The following OPCML variants were observed in gnomAD, a reference collection of about 807,000 sequenced individuals.
OPCML encodes the protein opioid binding protein/cell adhesion molecule like.
OPCML carries 13 observed loss-of-function variants against 37.8 expected under a neutral mutation model. The ratio of observed to expected loss-of-function variants is 0.34; its 90% confidence interval spans 0.22 to 0.55. OPCML has a LOEUF of 0.55. Ranked by LOEUF, OPCML falls within the 20% of genes least tolerant of loss-of-function variation. The probability of loss-of-function intolerance (pLI) is 0.91; values close to 1 mark genes in which losing one functional copy is unlikely to be tolerated. For missense variants in OPCML, 341 were observed against 435.6 expected (o/e 0.78, Z 1.93); for synonymous variants, 176 against 168.8 (o/e 1.04, Z -0.33).
At chr11:133,363,240 GGAGACAGCGC>G (rs1944462258) in intron 1 of OPCML, among the ~76,000 whole-genome samples, 2 of 152,174 alleles carry the variant, frequency 1.3e-5, no homozygotes, top group Admixed American at 1.3e-4. Context: ...ACTCATGGAT[GGAGACAGCGC>G]TTCCTACACG....
chr11:132,651,288 G>C (rs989674159), intron 3 of OPCML, among the ~76,000 whole-genome samples: 10 of 152,182 alleles, frequency 6.6e-5, no homozygotes, highest in Non-Finnish European at 1.5e-5. Flanking sequence ...GTGTAACTCG[G>C]ACAAATCACT....
chr11:133,102,199 G>A (rs1192873630), intron 1 of OPCML, among the ~76,000 whole-genome samples: 1 of 152,138 alleles, frequency 6.6e-6, no homozygotes, highest in East Asian at 1.9e-4. Context: ...GTAAACTATG[G>A]ACTTTGAATA....
At chr11:132,615,744 G>A (rs61398961) in intron 3 of OPCML, among the ~76,000 whole-genome samples, 19,258 of 152,046 alleles carry the variant, frequency 0.13, 2,146 homozygotes, top group African/African-American at 0.29. Flanking sequence ...AGAAATGACC[G>A]TAATACATGC....
At chr11:133,083,732 G>A (rs567068966) in intron 1 of OPCML, among the ~76,000 whole-genome samples, 210 of 152,322 alleles carry the variant, frequency 1.4e-3, no homozygotes, top group Middle Eastern at 6.8e-3. Flanking sequence ...CTCCAATAAC[G>A]GGAGGCCCAT....
chr11:133,496,221 T>C (rs59129172), intron 1 of OPCML, among the ~76,000 whole-genome samples: 4,705 of 152,222 alleles, frequency 0.031, 225 homozygotes, highest in African/African-American at 0.11. Flanking sequence ...AGTATTTGGG[T>C]TTAATTCTGG....
At chr11:132,746,387 A>G (rs1945636820) in intron 2 of OPCML, among the ~76,000 whole-genome samples, 1 of 152,174 alleles carries the variant, frequency 6.6e-6, no homozygotes, top group South Asian at 2.1e-4. Flanking sequence ...TTACACAAGC[A>G]TCTCATTTAT....
Position 132,436,233 on chromosome 11 carries a change from C to G in OPCML, c.769G>C (p.Ala257Pro), listed in dbSNP as rs2096012537. ...ATCCTCATTCCATCCAGACCAGTGG[C>G]TAACCTGCAAGAGGGAAGACATTGC... The part of the protein sequence containing the change: ...FQWFKEETRL[A>P]TGLDGMRIEN... Residue 257 changes from alanine to proline, a missense_variant, in exon 7 of 8, where the codon GCC becomes CCC. By Grantham distance (27) the Ala-to-Pro change is conservative (BLOSUM62 -1). Coordinates refer to ENST00000524381, the MANE Select transcript of OPCML (RefSeq NM_001012393.5). The G allele has an allele frequency of 1.9e-6, 3 of 1,614,060 alleles. No individual in the cohort carries two copies. Among genetic ancestry groups the G allele is most frequent in the Admixed American group, 1.7e-5 (1 of 60,008 alleles).
At chr11:133,308,365 T>C (rs1942980268) in intron 1 of OPCML, among the ~76,000 whole-genome samples, 2 of 152,232 alleles carry the variant, frequency 1.3e-5, no homozygotes, top group South Asian at 4.2e-4. Flanking sequence ...CCTAACTTAA[T>C]ATTAGGGTTA....
intron 1 of OPCML, chr11:133,005,761 T>G: frequency 2.0e-6 from 2 of 982,812 alleles, no homozygotes; most frequent in South Asian, 9.4e-5. Context: ...TTTTAAAAAT[T>G]GAATCACATT....
intron 1 of OPCML, among the ~76,000 whole-genome samples, chr11:133,037,733 G>A (rs1034555457): frequency 6.6e-6 from 1 of 152,174 alleles, no homozygotes; most frequent in African/African-American, 2.4e-5. Context: ...CTGTTACCTT[G>A]CAATTAGCAC....
chr11:132,853,616 C>T (rs1438463325), intron 2 of OPCML, among the ~76,000 whole-genome samples: 1 of 152,162 alleles, frequency 6.6e-6, no homozygotes, highest in African/African-American at 2.4e-5. Context: ...GATTCCCCAT[C>T]CCACAGCCTT....
chr11:133,330,169 TAA>T (rs1384221395), intron 1 of OPCML, among the ~76,000 whole-genome samples: 1 of 152,160 alleles, frequency 6.6e-6, no homozygotes, highest in African/African-American at 2.4e-5. Flanking sequence ...TGGTGATCAT[TAA>T]AAAGTCAGGA....
At chr11:132,762,027 C>T (rs900706467) in intron 2 of OPCML, among the ~76,000 whole-genome samples, 2 of 152,172 alleles carry the variant, frequency 1.3e-5, no homozygotes, top group Non-Finnish European at 2.9e-5. Context: ...TTGATGCTCT[C>T]GCTTTCTGTT....
chr11:132,586,501 T>G (rs1445002075), intron 3 of OPCML, among the ~76,000 whole-genome samples: 1 of 152,212 alleles, frequency 6.6e-6, no homozygotes, highest in Non-Finnish European at 1.5e-5. Flanking sequence ...AGTGATATAG[T>G]GAATGCATCC....
chr11:132,976,594 T>A (rs191963786), intron 1 of OPCML, among the ~76,000 whole-genome samples: 43 of 152,332 alleles, frequency 2.8e-4, no homozygotes, highest in African/African-American at 8.9e-4. Context: ...GATGATTTTA[T>A]AATAGCTAAT....
At chr11:132,444,112 A>T (rs1300813912) in intron 4 of OPCML, among the ~76,000 whole-genome samples, 1 of 152,180 alleles carries the variant, frequency 6.6e-6, no homozygotes, top group Non-Finnish European at 1.5e-5. Context: ...CGCCAGACCC[A>T]GGTATCAGGC....
At chr11:133,000,387 A>G (rs1217999933) in intron 1 of OPCML, among the ~76,000 whole-genome samples, 1 of 152,210 alleles carries the variant, frequency 6.6e-6, no homozygotes, top group Non-Finnish European at 1.5e-5. Flanking sequence ...TGCTGGGATT[A>G]CAGGCGTGAG....
intron 1 of OPCML, among the ~76,000 whole-genome samples, chr11:133,257,612 AACTGAG>A (rs1441033967): frequency 6.6e-6 from 1 of 152,170 alleles, no homozygotes; most frequent in East Asian, 1.9e-4. Flanking sequence ...AGCACCTCTC[AACTGAG>A]ATTAGAACTC....
chr11:132,867,271 A>G (rs2136380632), intron 2 of OPCML, among the ~76,000 whole-genome samples: 1 of 152,302 alleles, frequency 6.6e-6, no homozygotes, highest in East Asian at 1.9e-4. Flanking sequence ...TGGCGCTGGG[A>G]GAACTCAATT....
Sources: gnomAD v4.1 joint callset for allele counts (sites outside exome capture counted in the v4.1 genomes callset) on GRCh38, gnomAD v4.1.1 for gene constraint, MANE v1.5 for transcripts, NCBI Gene and HGNC (gene_info 2026-07-23, HGNC 2026-07-21) for gene names.